SLC7A5: variants seen among roughly 807,000 people sequenced by gnomAD.
SLC7A5 encodes large neutral amino acids transporter small subunit 1.
Under a neutral mutation model 50.2 loss-of-function variants are expected in SLC7A5, and 23 were observed. The ratio of observed to expected loss-of-function variants is 0.46; its 90% CI spans 0.33 to 0.65. The LOEUF is 0.65. SLC7A5 is among the 30% of genes least tolerant of loss of function. The pLI, the probability that SLC7A5 is intolerant of heterozygous loss-of-function variation, is 0.02. For missense variants in SLC7A5, 578 were observed against 684.4 expected (o/e 0.84, Z 1.73); for synonymous variants, 393 against 330.6 (o/e 1.19, Z -2.05).
intron 4 of SLC7A5, 34 bp downstream of exon 4, chr16:87,840,395 G>T: frequency 6.3e-7 from 1 of 1,581,924 alleles, no homozygotes; most frequent in Non-Finnish European, 8.7e-7. Context: ...TTAAAATAAT[G>T]AAAAAAGACG....
chr16:87,844,547 C>T (rs998129063), intron 2 of SLC7A5, among the ~76,000 whole-genome samples: 1 of 152,226 alleles, frequency 6.6e-6, no homozygotes, highest in African/African-American at 2.4e-5. Context: ...GGATCTTCCC[C>T]CTCCTCTGTG....
At chr16:87,848,595 G>C (rs955655045) in intron 2 of SLC7A5, among the ~76,000 whole-genome samples, 2 of 152,186 alleles carry the variant, frequency 1.3e-5, no homozygotes, top group Non-Finnish European at 2.9e-5. Context: ...CCAAGACGCG[G>C]AGGAGGCAAG....
rs2054964711 is a variant in SLC7A5, at chr16:87,833,980, A to G, written c.1468+434T>C. 6.6e-6 allele frequency among the ~76,000 whole-genome samples: 1 copy of G among 151,496 alleles called. No individual in the cohort carries two copies. Among genetic ancestry groups the G allele is most frequent in the African/African-American group, 2.4e-5 (1 of 41,168 alleles). ...GTGATTCTCCTGCCTCAGCCTCCTG[A>G]GTAGCTGGGATTACAGGTGTGTGCC... is the stretch of plus-strand genomic sequence containing the variant. On this transcript the variant is annotated intron_variant, in intron 9 of 9. Coordinates refer to ENST00000261622, the MANE Select transcript of SLC7A5 (RefSeq NM_003486.7). The surrounding 1 kb of genome is among the most constrained non-coding windows in gnomAD (Gnocchi z 6.0).
intron 8 of SLC7A5, 83 bp from the exon 9 acceptor site, chr16:87,834,674 G>T (rs1597491619): frequency 7.1e-7 from 1 of 1,415,716 alleles, no homozygotes; most frequent in East Asian, 2.5e-5. Flanking sequence ...AGCCCTCCTG[G>T]GCCCTCCACA....
chr16:87,857,225 ATT>A (rs57435838), intron 1 of SLC7A5, among the ~76,000 whole-genome samples: 47 of 147,192 alleles, frequency 3.2e-4, no homozygotes, highest in African/African-American at 4.4e-4. Flanking sequence ...CAGCGTTCAC[ATT>A]TTTTTTTTTT....
In SLC7A5 at chr16:87,838,762, C is replaced by A. The variant is rs1203244311; in HGVS notation, c.995G>T (p.Gly332Val). 6.2e-7 allele frequency: 1 copy of A among 1,614,074 alleles called. No homozygotes were observed. The highest frequency in any genetic ancestry group is 8.5e-7 in the Non-Finnish European group (1 of 1,180,018). Reference sequence around the variant, plus strand: ...ATTGACGGAGCCGAAGCAGGACAGGCCCACGAAGACGGGGATGATCCAGGA... The same window carrying A: ...ATTGACGGAGCCGAAGCAGGACAGGACCACGAAGACGGGGATGATCCAGGA... ...VMSWIIPVFV[G>V]LSCFGSVNGS... The change falls in exon 6 of 10, where the codon GGC (glycine) becomes GTC (valine). Residue 332 changes from glycine (G) to valine (V), a missense_variant. Transcript: ENST00000261622.
chr16:87,845,644 T>C (rs1315074133), intron 2 of SLC7A5, among the ~76,000 whole-genome samples: 2 of 152,136 alleles, frequency 1.3e-5, no homozygotes, highest in South Asian at 4.1e-4. Context: ...AATTTGGGTT[T>C]GGGGGTTCTG....
chr16:87,846,176 GC>G (rs1470871326), intron 2 of SLC7A5, among the ~76,000 whole-genome samples: 2 of 152,360 alleles, frequency 1.3e-5, no homozygotes, highest in East Asian at 3.9e-4. Flanking sequence ...CTCGAGCCTG[GC>G]ACCAATCTGG....
In SLC7A5 at chr16:87,868,916, C is replaced by T. The variant is rs33973691; in HGVS notation, c.507G>A (p.Glu169=). ...PLFPTCPVPE[E]AAKLVACLCV... ...AGAGGCAGGCCACGAGCTTGGCTGC[C>T]TCCTCGGGCACCGGGCAGGTGGGGA... Residue 169 remains glutamate (E), a synonymous_variant, in exon 1 of 10, where the codon GAG becomes GAA. Coordinates refer to ENST00000261622, the MANE Select transcript of SLC7A5 (RefSeq NM_003486.7). The T allele has an allele frequency of 5.6e-6, 9 of 1,609,728 alleles. No homozygotes were observed. Among genetic ancestry groups the T allele is most frequent in the Non-Finnish European group, 7.6e-6 (9 of 1,179,102 alleles).
intron 2 of SLC7A5, among the ~76,000 whole-genome samples, chr16:87,842,539 T>C (rs1435631654): frequency 1.3e-5 from 2 of 152,242 alleles, no homozygotes; most frequent in African/African-American, 4.8e-5. Context: ...CCCTTCCTGA[T>C]GGGTGGACCC....
rs2055080054 is a variant in SLC7A5, at chr16:87,841,260, G to T, written c.665-105C>A. 3.9e-6 allele frequency: 3 copies of T among 775,848 alleles called. No individual in the cohort carries two copies. The highest frequency in any genetic ancestry group is 4.6e-6 in the Non-Finnish European group (2 of 438,008). The allele number at this position is 775,848 out of a possible 1,614,324, so 48.1% of individuals were successfully genotyped here. On this transcript the variant is annotated intron_variant, in intron 2 of 9. Transcript: ENST00000261622. The surrounding 1 kb of genome is among the most constrained non-coding windows in gnomAD (Gnocchi z 4.8). ...AGCAAAATACATAGCAAACAAAAAT[G>T]CTGGAGTGAAGGCTTTTCACTGTGA...
Position 87,832,683 on chromosome 16 carries a change from T to C in SLC7A5, c.*287A>G, listed in dbSNP as rs551055261. On this transcript the variant is annotated 3_prime_UTR_variant, in exon 10 of 10. Transcript: ENST00000261622. This position sits in a 1 kb window ranked among gnomAD's most constrained non-coding sequence, Gnocchi z 4.6. Reference sequence around the variant, plus strand: ...ACCCAAAATTTAAGTTTAAAAAAAATATATATATAAGTAAACAAAGGAGGG... The same window carrying C: ...ACCCAAAATTTAAGTTTAAAAAAAACATATATATAAGTAAACAAAGGAGGG... 8 of 182,928 alleles carry C rather than the reference T, an allele frequency of 4.4e-5. No homozygotes were observed. The highest frequency in any genetic ancestry group is 9.1e-5 in the Non-Finnish European group (8 of 88,070). The allele number at this position is 182,928 out of a possible 1,614,324, so 11.3% of individuals were successfully genotyped here. A position where few individuals can be genotyped will look rare whatever the true frequency, so the allele number is the denominator to read the frequency against.
At chr16:87,854,499 G>A (rs2055289149) in intron 1 of SLC7A5, among the ~76,000 whole-genome samples, 1 of 152,236 alleles carries the variant, frequency 6.6e-6, no homozygotes. Context: ...TTGAACCTCA[G>A]TCCCTGCTGG....
At chr16:87,849,088 G>A (rs973668520) in intron 2 of SLC7A5, among the ~76,000 whole-genome samples, 30 of 152,214 alleles carry the variant, frequency 2.0e-4, no homozygotes, top group Admixed American at 1.9e-3. Context: ...CCAGATTTTC[G>A]CTGCATTCTC....
At chr16:87,857,174 C>G (rs983798530) in intron 1 of SLC7A5, among the ~76,000 whole-genome samples, 2 of 152,212 alleles carry the variant, frequency 1.3e-5, no homozygotes, top group African/African-American at 4.8e-5. Context: ...GTCCGGAAAC[C>G]CCAAGGAAAA....
In SLC7A5 at chr16:87,867,985, C is replaced by T. The variant is rs1360638965; in HGVS notation, c.538+900G>A. ...AAAAAAAATTACCCGGGCGTAGTGG[C>T]GGGCACCTGTAGTCCCAGCTACTCG... On this transcript the variant is annotated intron_variant, in intron 1 of 9. Transcript: ENST00000261622. 2.0e-5 allele frequency among the ~76,000 whole-genome samples: 3 copies of T among 151,690 alleles called. No homozygotes were observed. The South Asian group carries it at 6.2e-4, about 32-fold the overall frequency.
At chr16:87,864,246 C>G (rs1188947483) in intron 1 of SLC7A5, among the ~76,000 whole-genome samples, 2 of 151,428 alleles carry the variant, frequency 1.3e-5, no homozygotes, top group Non-Finnish European at 2.9e-5. Flanking sequence ...GAGCCGAGAT[C>G]GTGCCATTGC....
At chr16:87,847,409 G>A (rs952690887) in intron 2 of SLC7A5, among the ~76,000 whole-genome samples, 74 of 152,182 alleles carry the variant, frequency 4.9e-4, no homozygotes, top group African/African-American at 1.8e-3. Flanking sequence ...GCCAGATGAG[G>A]GAGGCGGCAC....
chr16:87,863,940 C>T (rs557681103), intron 1 of SLC7A5, among the ~76,000 whole-genome samples: 4 of 142,344 alleles, frequency 2.8e-5, no homozygotes, highest in Admixed American at 7.3e-5. Context: ...CTTTCCCTTC[C>T]TAAGCAGAAA....
Sources: gnomAD v4.1 joint callset for allele counts (sites outside exome capture counted in the v4.1 genomes callset) on GRCh38, gnomAD v4.1.1 for gene constraint, Gnocchi (gnomAD v3.1) non-coding constraint, MANE v1.5 for transcripts, NCBI Gene and HGNC (gene_info 2026-07-23, HGNC 2026-07-21) for gene names.